The following TENM2 variants were observed in gnomAD, a reference collection of about 807,000 sequenced individuals.
TENM2 encodes the protein teneurin transmembrane protein 2.
TENM2 carries 52 observed loss-of-function variants against 245.2 expected under a neutral mutation model. The observed-to-expected ratio is 0.21, with a 90% CI of 0.17 to 0.27. The LOEUF (loss-of-function observed/expected upper bound fraction) is 0.27. Ranked by LOEUF, TENM2 falls within the 10% of genes least tolerant of loss-of-function variation. The probability of loss-of-function intolerance (pLI) is 1.00; values close to 1 mark genes in which losing one functional copy is unlikely to be tolerated. For missense variants in TENM2, 3,046 were observed against 3,666.8 expected (o/e 0.83, Z 4.37); for synonymous variants, 1,363 against 1,438.9 (o/e 0.95, Z 1.19).
intron 3 of TENM2, among the ~76,000 whole-genome samples, chr5:167,927,921 A>G (rs904487220): frequency 6.6e-6 from 1 of 152,204 alleles, no homozygotes; most frequent in Non-Finnish European, 1.5e-5. Flanking sequence ...TCTGAAATAC[A>G]TATGCCAACG....
intron 2 of TENM2, among the ~76,000 whole-genome samples, chr5:167,757,757 T>C (rs1287153801): frequency 2.0e-5 from 3 of 152,152 alleles, no homozygotes; most frequent in Non-Finnish European, 2.9e-5. Context: ...GCATCTGGTG[T>C]TTCCTGACAT....
At chr5:167,200,973 T>A in the TENM2 span, among the ~76,000 whole-genome samples, 1 of 152,166 alleles carries the variant, frequency 6.6e-6, no homozygotes, top group Non-Finnish European at 1.5e-5. Flanking sequence ...AAATGAGAAA[T>A]TCCAGGGAAA....
chr5:167,420,293 A>C (rs575637444), intron 2 of TENM2, among the ~76,000 whole-genome samples: 1 of 152,222 alleles, frequency 6.6e-6, no homozygotes, highest in South Asian at 2.1e-4. Flanking sequence ...TTTTTAAATG[A>C]TGTCAAATTA....
At chr5:168,139,642 G>C in intron 12 of TENM2, 1 of 447,402 alleles carries the variant, frequency 2.2e-6, no homozygotes, top group Non-Finnish European at 4.5e-6. Context: ...TCAGGGAAGG[G>C]GAGGGAGGGA....
intron 5 of TENM2, among the ~76,000 whole-genome samples, chr5:168,035,886 A>G (rs1215989395): frequency 6.6e-6 from 1 of 152,218 alleles, no homozygotes; most frequent in African/African-American, 2.4e-5. Context: ...GGGATAAAAA[A>G]GTAACTGCCT....
intron 14 of TENM2, among the ~76,000 whole-genome samples, chr5:168,193,504 G>A (rs1761129873): frequency 6.6e-6 from 1 of 152,160 alleles, no homozygotes; most frequent in African/African-American, 2.4e-5. Flanking sequence ...TCTGCAAATT[G>A]ACTGCCTGGA....
chr5:167,246,055 C>G, the TENM2 span, among the ~76,000 whole-genome samples: 1 of 152,154 alleles, frequency 6.6e-6, no homozygotes, highest in African/African-American at 2.4e-5. Flanking sequence ...GTTACTCCTC[C>G]TCTCTTGGGA....
intron 2 of TENM2, among the ~76,000 whole-genome samples, chr5:167,547,589 C>A (rs544783395): frequency 6.6e-6 from 1 of 152,230 alleles, no homozygotes; most frequent in African/African-American, 2.4e-5. Context: ...AATGTGGAAT[C>A]CTATAATAGA....
At chr5:168,090,597 C>G in exon 8 of TENM2, 1 of 1,613,036 alleles carries the variant, frequency 6.2e-7, no homozygotes, top group African/African-American at 1.3e-5. Flanking sequence ...AACGTCTGGA[C>G]GGGAAGGAGA....
chr5:167,272,245 G>C, the TENM2 span, among the ~76,000 whole-genome samples: 1 of 152,170 alleles, frequency 6.6e-6, no homozygotes, highest in African/African-American at 2.4e-5. Context: ...TTATGCAAAA[G>C]TTCTAACACA....
intron 2 of TENM2, among the ~76,000 whole-genome samples, chr5:167,655,008 C>T (rs987711405): frequency 3.3e-5 from 5 of 152,060 alleles, no homozygotes; most frequent in South Asian, 2.1e-4. Context: ...ACGATAAGTG[C>T]AATAGGTTAT....
At chr5:167,196,558 A>G in the TENM2 span, among the ~76,000 whole-genome samples, 114 of 147,844 alleles carry the variant, frequency 7.7e-4, 1 homozygote, top group South Asian at 6.7e-3. Flanking sequence ...GTATATATAT[A>G]TGTGTGTGTA....
At chr5:168,118,470 C>A in exon 10 of TENM2, 1 of 1,557,792 alleles carries the variant, frequency 6.4e-7, no homozygotes, top group Non-Finnish European at 8.7e-7. Flanking sequence ...GCTACAAAGG[C>A]GAGCACTGTG....
intron 25 of TENM2, among the ~76,000 whole-genome samples, chr5:168,228,681 G>GTATGTTCTTTGCACTCAA (rs1491124454): frequency 1.3e-5 from 1 of 79,718 alleles, no homozygotes; most frequent in African/African-American, 1.8e-4. Flanking sequence ...GGTACATGCA[G>GTATGTTCTTTGCACTCAA]GGTCTGATGG....
At chr5:166,988,852 C>T in the TENM2 span, among the ~76,000 whole-genome samples, 2 of 152,114 alleles carry the variant, frequency 1.3e-5, no homozygotes, top group East Asian at 3.9e-4. Flanking sequence ...TCTAACGGTC[C>T]CTGGCTCACC....
intron 1 of TENM2, among the ~76,000 whole-genome samples, chr5:167,300,524 C>T (rs575075634): frequency 5.3e-5 from 8 of 152,180 alleles, no homozygotes; most frequent in African/African-American, 1.9e-4. Context: ...GGTTTTAGGA[C>T]AGGTAAAATG....
At chr5:167,475,396 T>C (rs1186331815) in intron 2 of TENM2, among the ~76,000 whole-genome samples, 1 of 152,172 alleles carries the variant, frequency 6.6e-6, no homozygotes, top group African/African-American at 2.4e-5. Flanking sequence ...AATATTTTAT[T>C]TATTTATTTT....
chr5:167,424,091 A>G (rs1763670096), intron 2 of TENM2, among the ~76,000 whole-genome samples: 2 of 152,210 alleles, frequency 1.3e-5, no homozygotes, highest in Admixed American at 1.3e-4. Flanking sequence ...GTCTTTGGCC[A>G]GAAAATCCAT....
exon 14 of TENM2, chr5:168,190,395 C>T (rs377513923): frequency 6.8e-6 from 11 of 1,613,986 alleles, no homozygotes; most frequent in Non-Finnish European, 9.3e-6. Flanking sequence ...GTCAGAACAG[C>T]CTGCTCTGCC....
Sources: gnomAD v4.1 joint callset for allele counts (sites outside exome capture counted in the v4.1 genomes callset) on GRCh38, gnomAD v4.1.1 for gene constraint, MANE v1.5 for transcripts, NCBI Gene and HGNC (gene_info 2026-07-23, HGNC 2026-07-21) for gene names.